The following MKLN1 variants were observed in gnomAD, a reference collection of about 807,000 sequenced individuals.
MKLN1 encodes the protein muskelin.
MKLN1 carries 18 observed loss-of-function variants against 99.0 expected under a neutral mutation model. That is an observed-to-expected ratio of 0.18 (90% CI 0.13 to 0.27). MKLN1 has a LOEUF of 0.27. Among genes scored for constraint, MKLN1 ranks in the 10% least tolerant of loss-of-function variants. The probability of loss-of-function intolerance (pLI) is 1.00; values close to 1 mark genes in which losing one functional copy is unlikely to be tolerated. For synonymous variants in MKLN1, 288 were observed against 293.2 expected, an observed-to-expected ratio of 0.98 and a Z score of 0.18; for missense variants, 621 against 875.9, an observed-to-expected ratio of 0.71 and a Z score of 3.67.
chr7:131,375,786 A>G (rs1396344155), intron 2 of MKLN1, among the ~76,000 whole-genome samples: 1 of 151,676 alleles, frequency 6.6e-6, no homozygotes. Flanking sequence ...TTGAACTCTG[A>G]CTCAATGACT....
At chr7:131,153,574 T>C (rs1183240379) in intron 2 of MKLN1, among the ~76,000 whole-genome samples, 2 of 151,912 alleles carry the variant, frequency 1.3e-5, no homozygotes, top group Non-Finnish European at 2.9e-5. Context: ...ATAACCCCAA[T>C]GTCTATTAAT....
intron 3 of MKLN1, among the ~76,000 whole-genome samples, chr7:131,224,242 C>T (rs1797103909): frequency 6.6e-6 from 1 of 151,818 alleles, no homozygotes; most frequent in African/African-American, 2.4e-5. Flanking sequence ...GGTTTCTATA[C>T]AAAAATTTAA....
At position 131,145,041 on chromosome 7, in the gene MKLN1, G is replaced by A. The variant is rs1302772872; in HGVS notation, c.-297+2100G>A. 3.9e-5 allele frequency among the ~76,000 whole-genome samples: 6 copies of A among 152,184 alleles called. No individual in the cohort carries two copies. The East Asian group carries it at 9.6e-4, about 24-fold the overall frequency. On this transcript the variant is annotated intron_variant, in intron 2 of 7. Coordinates refer to the MKLN1 transcript ENST00000416992. ...CAACAAAGAGGCTGATGCATATTCG[G>A]ATCTCCAGGGATCTAATGAAAATCT...
intron 3 of MKLN1, among the ~76,000 whole-genome samples, chr7:131,303,575 A>G (rs2116624400): frequency 6.6e-6 from 1 of 152,352 alleles, no homozygotes; most frequent in South Asian, 2.1e-4. Context: ...AATAAGATTG[A>G]GGCAGAACCA....
In MKLN1 at chr7:131,158,848, C is replaced by T. The variant is rs532290837; in HGVS notation, c.-297+15907C>T. ...TTCACTCAGAAAGTGTGATGGGGTG[C>T]ATTGTCTGTGCTAGCCACTGTTTGG... On this transcript the variant is annotated intron_variant, in intron 2 of 7. Coordinates refer to the MKLN1 transcript ENST00000416992. Among the ~76,000 whole-genome samples the T allele has an allele frequency of 1.6e-4, 25 of 152,290 alleles. 1 individual carries two copies. In the East Asian group the frequency reaches 1.7e-3, roughly 11 times the overall value.
intron 1 of MKLN1, among the ~76,000 whole-genome samples, chr7:131,345,562 A>T (rs1381170418): frequency 6.6e-6 from 1 of 152,140 alleles, no homozygotes. Flanking sequence ...ACAAAACGTT[A>T]AATTAGTCGG....
chr7:131,397,636 T>G (rs1163033041), intron 5 of MKLN1, among the ~76,000 whole-genome samples: 1 of 152,200 alleles, frequency 6.6e-6, no homozygotes, highest in Non-Finnish European at 1.5e-5. Context: ...GATTAAATAG[T>G]TTGCCTAGGA....
chr7:131,250,604 T>C (rs992688246), intron 3 of MKLN1, among the ~76,000 whole-genome samples: 3 of 152,064 alleles, frequency 2.0e-5, no homozygotes, highest in Admixed American at 6.5e-5. Context: ...AAGGCTGTGG[T>C]GGGCTAACAG....
chr7:131,334,445 C>T (rs937840387), intron 1 of MKLN1, among the ~76,000 whole-genome samples: 16 of 152,146 alleles, frequency 1.1e-4, no homozygotes, highest in African/African-American at 3.9e-4. Context: ...GAAATGTACT[C>T]AGGATGAGAA....
chr7:131,257,768 G>T (rs1584872317), intron 3 of MKLN1, among the ~76,000 whole-genome samples: 1 of 152,082 alleles, frequency 6.6e-6, no homozygotes, highest in Middle Eastern at 3.4e-3. Flanking sequence ...GAGGAGAGGA[G>T]ATCTCCTTCT....
intron 17 of MKLN1, among the ~76,000 whole-genome samples, chr7:131,485,535 TAGAAA>T (rs1006176121): frequency 1.3e-5 from 2 of 152,040 alleles, no homozygotes; most frequent in Non-Finnish European, 1.5e-5. Context: ...ATTACAAAGG[TAGAAA>T]AGAACACCTT....
At position 131,445,736 on chromosome 7, in the gene MKLN1, TAA is replaced by T. The variant is rs757436182; in HGVS notation, c.1396-37_1396-36del. 4.5e-6 allele frequency: 7 copies of T among 1,549,682 alleles called. No individual in the cohort carries two copies. In the African/African-American group the frequency reaches 8.3e-5, roughly 18 times the overall value. Reference sequence around the variant, plus strand: ...CATTCTGAGTTCTTCATGGAAGTGATAAGTTACTCCTTTCTTTTTTTTTTTCT... The same window carrying T: ...CATTCTGAGTTCTTCATGGAAGTGATGTTACTCCTTTCTTTTTTTTTTTCT... On this transcript the variant is annotated intron_variant, in intron 11 of 17. Transcript: ENST00000352689.
intron 1 of MKLN1, among the ~76,000 whole-genome samples, chr7:131,131,531 G>A (rs1399029918): frequency 3.3e-5 from 5 of 152,130 alleles, no homozygotes; most frequent in Non-Finnish European, 7.4e-5. Context: ...TGGAGAAACA[G>A]GTATTGTTAT....
upstream of MKLN1, chr7:131,327,648 C>A: frequency 2.0e-6 from 1 of 499,852 alleles, no homozygotes; most frequent in Non-Finnish European, 3.5e-6. Context: ...TGCGCCATTC[C>A]CCTCCAAGCC....
chr7:131,468,894 C>T (rs566254442), intron 15 of MKLN1, among the ~76,000 whole-genome samples: 1 of 152,286 alleles, frequency 6.6e-6, no homozygotes, highest in East Asian at 1.9e-4. Context: ...AGGATAATAA[C>T]ATGCTTTGGA....
intron 17 of MKLN1, among the ~76,000 whole-genome samples, chr7:131,484,264 C>T (rs1318077633): frequency 6.6e-6 from 1 of 152,114 alleles, no homozygotes; most frequent in Non-Finnish European, 1.5e-5. Flanking sequence ...GTACATTGCC[C>T]TACAACTTAA....
chr7:131,433,125 T>C (rs185870584), intron 9 of MKLN1, among the ~76,000 whole-genome samples: 4 of 152,312 alleles, frequency 2.6e-5, no homozygotes, highest in Admixed American at 2.0e-4. Flanking sequence ...TGATCATGTA[T>C]TGCTTTTTGG....
chr7:131,404,442 G>A (rs573583822), intron 6 of MKLN1, among the ~76,000 whole-genome samples: 1 of 151,756 alleles, frequency 6.6e-6, no homozygotes, highest in East Asian at 2.0e-4. Flanking sequence ...TGCCTCCTGA[G>A]TAGCCTGGAC....
intron 1 of MKLN1, among the ~76,000 whole-genome samples, chr7:131,121,054 A>T (rs568958439): frequency 6.6e-6 from 1 of 152,348 alleles, no homozygotes; most frequent in South Asian, 2.1e-4. Flanking sequence ...CTGTACAGGA[A>T]GCATAGCTGG....
Sources: gnomAD v4.1 joint callset for allele counts (sites outside exome capture counted in the v4.1 genomes callset) on GRCh38, gnomAD v4.1.1 for gene constraint, MANE v1.5 for transcripts, NCBI Gene and HGNC (gene_info 2026-07-23, HGNC 2026-07-21) for gene names.